GRHL3: variants seen among roughly 807,000 people sequenced by gnomAD.
GRHL3 encodes grainyhead-like protein 3 homolog.
GRHL3 carries 20 observed loss-of-function variants against 70.3 expected under a neutral mutation model. The observed-to-expected ratio is 0.28, with a 90% CI of 0.20 to 0.41. The LOEUF (loss-of-function observed/expected upper bound fraction) is 0.41. GRHL3 is among the 10% of genes least tolerant of loss of function. The probability of loss-of-function intolerance (pLI) is 1.00; values close to 1 mark genes in which losing one functional copy is unlikely to be tolerated. For synonymous variants in GRHL3, 299 were observed against 299.9 expected (o/e 1.00, Z 0.03); for missense variants, 637 against 762.3 (o/e 0.84, Z 1.94).
chr1:24,341,146 A>T (rs978561356), intron 8 of GRHL3, among the ~76,000 whole-genome samples: 11 of 152,084 alleles, frequency 7.2e-5, no homozygotes, highest in African/African-American at 2.7e-4. Context: ...GTTCCCATGG[A>T]GCCCCAGAGG....
At chr1:24,323,968 C>T (rs763178055) in intron 1 of GRHL3, among the ~76,000 whole-genome samples, 1 of 152,218 alleles carries the variant, frequency 6.6e-6, no homozygotes, top group Non-Finnish European at 1.5e-5. Flanking sequence ...TGGCAGTGGC[C>T]TTCACCTTTT....
chr1:24,349,033 CCA>C (rs1350456694), intron 14 of GRHL3, among the ~76,000 whole-genome samples: 5 of 152,222 alleles, frequency 3.3e-5, no homozygotes, highest in Non-Finnish European at 7.3e-5. Context: ...GTGTGCAGAA[CCA>C]CAGTGTGTGT....
Position 24,351,197 on chromosome 1 carries a change from C to T in GRHL3, c.1694+1075C>T, listed in dbSNP as rs1272969977. ...TGCTCAGCCACTTGCCCCGTGGCTA[C>T]TGCAAGTGGATCTTCCTTTGTAGAA... On this transcript the variant is annotated intron_variant, in intron 15 of 15. Coordinates refer to ENST00000361548, the MANE Select transcript of GRHL3 (RefSeq NM_198173.3). Among the ~76,000 whole-genome samples the T allele has an allele frequency of 2.6e-5, 4 of 152,230 alleles. No homozygotes were observed. The South Asian group carries it at 6.2e-4, about 24-fold the overall frequency.
intron 13 of GRHL3, 34 bp from the exon 14 acceptor site, chr1:24,347,434 C>G (rs914859720): frequency 6.4e-7 from 1 of 1,553,448 alleles, no homozygotes; most frequent in Non-Finnish European, 8.9e-7. Context: ...TTCACATTAT[C>G]TTCCTTGCAC....
At chr1:24,343,577 G>T (rs1273837929) in intron 11 of GRHL3, among the ~76,000 whole-genome samples, 1 of 152,060 alleles carries the variant, frequency 6.6e-6, no homozygotes, top group Non-Finnish European at 1.5e-5. Flanking sequence ...TAGCTGCTCC[G>T]CCTCTCAAGC....
At chr1:24,363,665 C>T (rs771042041) in intron 15 of GRHL3, among the ~76,000 whole-genome samples, 11 of 152,038 alleles carry the variant, frequency 7.2e-5, no homozygotes, top group African/African-American at 4.8e-5. Flanking sequence ...GAAATCTGTT[C>T]GAATAGAGGT....
At chr1:24,331,686 A>C in intron 2 of GRHL3, 74 bp downstream of exon 2, 1 of 1,368,788 alleles carries the variant, frequency 7.3e-7, no homozygotes, top group Non-Finnish European at 1.0e-6. Flanking sequence ...ATGGCTCAGC[A>C]GCCCACCATG....
At chr1:24,331,696 G>C (rs1639622611) in intron 2 of GRHL3, 84 bp downstream of exon 2, 10 of 1,196,658 alleles carry the variant, frequency 8.4e-6, no homozygotes, top group Non-Finnish European at 1.2e-5. Flanking sequence ...AGCCCACCAT[G>C]ACCACCCCAG....
At chr1:24,344,303 A>G (rs1557701903) in intron 11 of GRHL3, among the ~76,000 whole-genome samples, 3 of 152,006 alleles carry the variant, frequency 2.0e-5, no homozygotes, top group Non-Finnish European at 2.9e-5. Flanking sequence ...CCCACACCGC[A>G]CAGTGCCAGG....
At chr1:24,358,715 C>A, downstream of GRHL3, 1 of 888,856 alleles carries the variant, frequency 1.1e-6, no homozygotes, top group Non-Finnish European at 1.8e-6. Flanking sequence ...GCCTGGGGAC[C>A]CCTGTGCCAG....
intron 15 of GRHL3, 36 bp downstream of exon 15, chr1:24,350,158 T>G (rs1387107815): frequency 1.3e-6 from 2 of 1,574,644 alleles, no homozygotes; most frequent in Non-Finnish European, 1.7e-6. Context: ...AGCTGGTTGC[T>G]CAGTGCTGAG....
rs991866073 is a variant in GRHL3 at position 24,322,196 on chromosome 1, G to A, written c.17+2628G>A. On this transcript the variant is annotated intron_variant, in intron 1 of 15. Coordinates refer to ENST00000361548, the MANE Select transcript of GRHL3 (RefSeq NM_198173.3). This position sits in a 1 kb window ranked among gnomAD's most constrained non-coding sequence, Gnocchi z 4.4. ...CAGTAGGTCTAAGGCACCGAGGCAG[G>A]AGCGTCCCCCGCGGCCTCGCTCCCT... Among the ~76,000 whole-genome samples, 3 of 152,290 alleles carry A rather than the reference G, an allele frequency of 2.0e-5. No individual in the cohort carries two copies. Among genetic ancestry groups the A allele is most frequent in the East Asian group, 3.9e-4 (2 of 5,162 alleles).
intron 1 of GRHL3, among the ~76,000 whole-genome samples, chr1:24,320,556 G>A (rs1318525318): frequency 2.0e-5 from 3 of 152,208 alleles, no homozygotes; most frequent in African/African-American, 7.2e-5. Context: ...CCTCAGAGGT[G>A]AGTGGGCAGA....
chr1:24,340,229 C>T (rs1026798375), intron 8 of GRHL3, among the ~76,000 whole-genome samples: 14 of 152,168 alleles, frequency 9.2e-5, no homozygotes, highest in African/African-American at 3.1e-4. Flanking sequence ...ACTTCTTGGC[C>T]AGCGCAGAAT....
In GRHL3 at chr1:24,360,908, C is replaced by T. The variant is rs909689321; in HGVS notation, c.1695-3277C>T. The T allele has an allele frequency of 2.9e-5, 47 of 1,613,626 alleles. No homozygotes were observed. In the Admixed American group the frequency reaches 3.3e-4, roughly 11 times the overall value. On this transcript the variant is annotated intron_variant, in intron 15 of 15. Coordinates refer to the GRHL3 transcript ENST00000350501. ...GCTGTCCACCGGCTGGTATTGGACA[C>T]GAATGATGCACTAGAGATGAAATGC... is the stretch of plus-strand genomic sequence containing the variant.
intron 14 of GRHL3, among the ~76,000 whole-genome samples, chr1:24,349,230 G>A (rs1167289659): frequency 3.3e-5 from 5 of 152,302 alleles, no homozygotes; most frequent in African/African-American, 9.6e-5. Flanking sequence ...TCTCAGGCAG[G>A]TCACTCAACA....
At chr1:24,353,362 T>A (rs1557707310) in intron 15 of GRHL3, among the ~76,000 whole-genome samples, 2 of 152,014 alleles carry the variant, frequency 1.3e-5, no homozygotes, top group Admixed American at 6.6e-5. Context: ...AATGGGAAGA[T>A]GACGGCAGGT....
intron 13 of GRHL3, 151 bp downstream of exon 13, chr1:24,346,792 G>T (rs2272932): frequency 8.2e-6 from 5 of 609,228 alleles, no homozygotes; most frequent in East Asian, 5.6e-5. Context: ...GTGGGGGTAA[G>T]GAGGGAACCT....
intron 15 of GRHL3, chr1:24,360,885 T>G: frequency 6.2e-7 from 1 of 1,613,638 alleles, no homozygotes; most frequent in Non-Finnish European, 8.5e-7. Flanking sequence ...GCGGCGCCGC[T>G]GTCCACCGGC....
Sources: allele counts gnomAD v4.1 joint callset (sites outside exome capture counted in the v4.1 genomes callset), GRCh38; gene constraint gnomAD v4.1.1; non-coding constraint Gnocchi (gnomAD v3.1); transcripts MANE v1.5; gene names NCBI Gene and HGNC (gene_info 2026-07-23, HGNC 2026-07-21).